PCP4: variants seen among roughly 807,000 people sequenced by gnomAD.
PCP4 encodes the protein Purkinje cell protein 4, also known as calmodulin regulator protein PCP4.
Under a neutral mutation model 10.0 loss-of-function variants are expected in PCP4, and 8 were observed. The observed-to-expected ratio is 0.80, with a 90% CI of 0.47 to 1.45. The LOEUF is 1.45. Among genes scored for constraint, PCP4 ranks in the 40% most tolerant of loss-of-function variants. The pLI is 0.00. For synonymous variants in PCP4, 21 were observed against 23.0 expected, an observed-to-expected ratio of 0.91 and a Z score of 0.24; for missense variants, 54 against 74.4, an observed-to-expected ratio of 0.73 and a Z score of 1.01.
chr21:39,922,367 G>T lies in PCP4; in HGVS notation c.62-6617G>T, dbSNP rs563328554. 5.3e-5 allele frequency among the ~76,000 whole-genome samples: 8 copies of T among 152,254 alleles called. No individual in the cohort carries two copies. The South Asian group carries it at 1.7e-3, about 32-fold the overall frequency. The stretch of plus-strand genomic sequence containing the variant: ...AGAAGGGCTGCCTGAGCTTTCTCTT[G>T]TGACATAATAAAACATATAATTGCA... On this transcript the variant is annotated intron_variant, in intron 2 of 2. Transcript: ENST00000328619.
intron 2 of PCP4, among the ~76,000 whole-genome samples, chr21:39,914,456 C>T (rs145028523): frequency 6.6e-6 from 1 of 151,192 alleles, no homozygotes; most frequent in Non-Finnish European, 1.5e-5. Flanking sequence ...TGGCGTGTGC[C>T]TATAATCTCA....
At chr21:39,886,005 T>C (rs2087399121) in intron 1 of PCP4, among the ~76,000 whole-genome samples, 1 of 152,258 alleles carries the variant, frequency 6.6e-6, no homozygotes, top group Non-Finnish European at 1.5e-5. Flanking sequence ...GTCTTCTCCC[T>C]GTGTGTCCAC....
chr21:39,889,095 G>A (rs2087415788), intron 1 of PCP4, among the ~76,000 whole-genome samples: 1 of 152,182 alleles, frequency 6.6e-6, no homozygotes, highest in African/African-American at 2.4e-5. Context: ...CTGTGAGCCA[G>A]GGGCCTCTGT....
rs576238829 is a variant in PCP4, at chr21:39,903,194, C to T, written c.61+4667C>T. Among the ~76,000 whole-genome samples, 10 of 152,238 alleles carry T rather than the reference C, an allele frequency of 6.6e-5. No individual in the cohort carries two copies. In the South Asian group the frequency reaches 1.5e-3, roughly 22 times the overall value. On this transcript the variant is annotated intron_variant, in intron 2 of 2. Transcript: ENST00000328619. ...AAAGAGATTTATGAATAATAAACCT[C>T]GTGATGGGGCTTACTTTCAGAGCTT... is the stretch of plus-strand genomic sequence containing the variant.
At chr21:39,917,590 G>A (rs2087575361) in intron 2 of PCP4, among the ~76,000 whole-genome samples, 2 of 152,166 alleles carry the variant, frequency 1.3e-5, no homozygotes, top group Non-Finnish European at 2.9e-5. Context: ...CCCTGCACAT[G>A]CTCTCCAGAG....
At chr21:39,889,466 C>G (rs2091891) in intron 1 of PCP4, among the ~76,000 whole-genome samples, 53,675 of 136,620 alleles carry the variant, frequency 0.39, 10,993 homozygotes, top group East Asian at 0.52. Context: ...ACCCAGGCTG[C>G]AGTACCGTGG....
chr21:39,923,934 G>A (rs555347603), intron 2 of PCP4, among the ~76,000 whole-genome samples: 1 of 152,306 alleles, frequency 6.6e-6, no homozygotes, highest in South Asian at 2.1e-4. Flanking sequence ...GTGAGTTGTG[G>A]ACTGTATCGG....
chr21:39,926,784 C>G (rs549407144), intron 2 of PCP4, among the ~76,000 whole-genome samples: 16 of 152,288 alleles, frequency 1.1e-4, no homozygotes, highest in African/African-American at 3.1e-4. Context: ...CCACAGGAAA[C>G]TTTTACTTCT....
At chr21:39,918,128 A>T (rs1261379838) in intron 2 of PCP4, among the ~76,000 whole-genome samples, 1 of 152,208 alleles carries the variant, frequency 6.6e-6, no homozygotes, top group African/African-American at 2.4e-5. Context: ...CTTTGTCATG[A>T]TAGCCTAAGC....
intron 1 of PCP4, among the ~76,000 whole-genome samples, chr21:39,891,103 T>G (rs1387362091): frequency 2.6e-5 from 4 of 152,194 alleles, no homozygotes; most frequent in Admixed American, 6.5e-5. Context: ...ACTATTCACG[T>G]GGAACTTGAT....
chr21:39,914,411 TA>T (rs2087557982), intron 2 of PCP4, among the ~76,000 whole-genome samples: 1 of 152,008 alleles, frequency 6.6e-6, no homozygotes, highest in South Asian at 2.1e-4. Context: ...CCATCTCTAC[TA>T]AAAACATACA....
chr21:39,921,889 T>C (rs1445395498), intron 2 of PCP4, among the ~76,000 whole-genome samples: 4 of 152,262 alleles, frequency 2.6e-5, no homozygotes, highest in African/African-American at 9.6e-5. Flanking sequence ...TATCTGCTGA[T>C]GGACTATGGG....
At chr21:39,905,253 G>GA (rs56194710) in intron 2 of PCP4, among the ~76,000 whole-genome samples, 24,723 of 147,812 alleles carry the variant, frequency 0.17, 2,082 homozygotes, top group Admixed American at 0.23. Flanking sequence ...GAAGAAATCA[G>GA]AAAAAAAAAA....
chr21:39,888,428 G>A (rs561257648), intron 1 of PCP4, among the ~76,000 whole-genome samples: 5 of 152,176 alleles, frequency 3.3e-5, no homozygotes, highest in Admixed American at 6.5e-5. Context: ...ATGGATAAGT[G>A]GGGGGAGCGT....
intron 2 of PCP4, among the ~76,000 whole-genome samples, chr21:39,917,705 C>G (rs1405875709): frequency 6.6e-6 from 1 of 152,154 alleles, no homozygotes; most frequent in African/African-American, 2.4e-5. Flanking sequence ...TGTTTCTCAT[C>G]ATACCTCTCT....
chr21:39,878,139 A>G (rs186939024), intron 1 of PCP4, among the ~76,000 whole-genome samples: 1 of 152,314 alleles, frequency 6.6e-6, no homozygotes, highest in Admixed American at 6.5e-5. Context: ...AGAATCACAT[A>G]AAATTAACTC....
At chr21:39,896,136 A>G (rs1411605905) in intron 1 of PCP4, among the ~76,000 whole-genome samples, 2 of 152,178 alleles carry the variant, frequency 1.3e-5, no homozygotes, top group Non-Finnish European at 2.9e-5. Flanking sequence ...CTGGTTTCTA[A>G]AAAGTGATCT....
chr21:39,886,770 T>C lies in PCP4; in HGVS notation c.10-11706T>C, dbSNP rs2276523. ...AGCAACTGTTCCTTAAGTTGTAATG[T>C]ATATCTTTATGAAATTATATATATG... On this transcript the variant is annotated intron_variant, in intron 1 of 2. Transcript: ENST00000328619. 7.2e-5 allele frequency among the ~76,000 whole-genome samples: 11 copies of C among 152,366 alleles called. No homozygotes were observed. In the East Asian group the frequency reaches 2.1e-3, roughly 29 times the overall value.
intron 2 of PCP4, among the ~76,000 whole-genome samples, chr21:39,927,339 G>GTCTATCTATCTATCTATCTATCTA (rs1240545991): frequency 4.0e-5 from 4 of 98,930 alleles, no homozygotes; most frequent in African/African-American, 1.4e-4. Context: ...CTATCTATCT[G>GTCTATCTATCTATCTATCTATCTA]TCTATCTATC....
Sources: allele counts gnomAD v4.1 joint callset (sites outside exome capture counted in the v4.1 genomes callset), GRCh38; gene constraint gnomAD v4.1.1; transcripts MANE v1.5; gene names NCBI Gene and HGNC (gene_info 2026-07-23, HGNC 2026-07-21).